Variants in SDCCAG8 observed in about 807,000 individuals in gnomAD.
SDCCAG8 encodes serologically defined colon cancer antigen 8.
A neutral mutation model predicts 101.8 loss-of-function variants in SDCCAG8; 74 were observed. That is an observed-to-expected ratio of 0.73 (90% CI 0.60 to 0.88). The LOEUF is 0.88. Among genes scored for constraint, SDCCAG8 ranks in the 40% least tolerant of loss-of-function variants. SDCCAG8 has a pLI of 0.00. For synonymous variants in SDCCAG8, 281 were observed against 292.9 expected (o/e 0.96, Z 0.41); for missense variants, 787 against 822.6 (o/e 0.96, Z 0.53).
intron 1 of SDCCAG8, among the ~76,000 whole-genome samples, chr1:243,266,952 A>AAG (rs1363714102): frequency 1.3e-5 from 2 of 150,148 alleles, no homozygotes; most frequent in East Asian, 4.0e-4. Context: ...TCAAAAAAAA[A>AAG]AAAAAAAAAA....
At chr1:243,353,934 A>T (rs2076244829) in intron 12 of SDCCAG8, among the ~76,000 whole-genome samples, 1 of 152,232 alleles carries the variant, frequency 6.6e-6, no homozygotes, top group African/African-American at 2.4e-5. Context: ...TTACAGTGTT[A>T]GAGTCATATA....
At position 243,289,740 on chromosome 1, in the gene SDCCAG8, C is replaced by T. The variant is rs557986038; in HGVS notation, c.546+3343C>T. Among the ~76,000 whole-genome samples, 6 of 152,262 alleles carry T rather than the reference C, an allele frequency of 3.9e-5. No individual in the cohort carries two copies. The East Asian group carries it at 1.2e-3, about 29-fold the overall frequency. ...AGGACTATCTAATTCTCTAAATACACCCCGTAGAACCTTAAATTATACCGC... is the reference window on the plus strand; with the variant it reads ...AGGACTATCTAATTCTCTAAATACATCCCGTAGAACCTTAAATTATACCGC... On this transcript the variant is annotated intron_variant, in intron 5 of 17. Transcript: ENST00000366541.
intron 5 of SDCCAG8, among the ~76,000 whole-genome samples, chr1:243,290,030 C>G (rs1038187852): frequency 1.3e-5 from 2 of 152,022 alleles, no homozygotes; most frequent in Admixed American, 6.6e-5. Context: ...AATATTTCCT[C>G]ATGGAAAGCT....
chr1:243,477,846 G>A (rs1662729784), intron 16 of SDCCAG8, among the ~76,000 whole-genome samples: 1 of 152,220 alleles, frequency 6.6e-6, no homozygotes, highest in South Asian at 2.1e-4. Flanking sequence ...CTGTGGATGA[G>A]ATCAATGTGG....
chr1:243,267,665 G>A, intron 1 of SDCCAG8: 1 of 764,458 alleles, frequency 1.3e-6, no homozygotes, highest in Non-Finnish European at 2.4e-6. Flanking sequence ...CACACACTTA[G>A]GCTGAGTTAC....
At chr1:243,275,083 G>T (rs2068426037) in intron 4 of SDCCAG8, among the ~76,000 whole-genome samples, 1 of 152,104 alleles carries the variant, frequency 6.6e-6, no homozygotes, top group Admixed American at 6.6e-5. Context: ...CAGTATTAAG[G>T]CTCTTACTTT....
intron 4 of SDCCAG8, among the ~76,000 whole-genome samples, chr1:243,278,315 G>A (rs1040660911): frequency 6.6e-6 from 1 of 152,062 alleles, no homozygotes; most frequent in African/African-American, 2.4e-5. Context: ...CCGCCTCCCG[G>A]GTTCAAACAA....
At chr1:243,288,103 A>C (rs10926981) in intron 5 of SDCCAG8, among the ~76,000 whole-genome samples, 70,916 of 151,952 alleles carry the variant, frequency 0.47, 18,043 homozygotes, top group East Asian at 0.75. Context: ...TATCTATTTT[A>C]ATGTTAATCT....
intron 16 of SDCCAG8, among the ~76,000 whole-genome samples, chr1:243,447,799 A>G (rs941988602): frequency 1.3e-5 from 2 of 152,234 alleles, no homozygotes; most frequent in Non-Finnish European, 2.9e-5. Flanking sequence ...TAATATAAAT[A>G]AAAATATTTG....
chr1:243,394,121 A>G (rs2078891975), intron 13 of SDCCAG8, among the ~76,000 whole-genome samples: 1 of 152,210 alleles, frequency 6.6e-6, no homozygotes, highest in Non-Finnish European at 1.5e-5. Context: ...CAGATCTCCT[A>G]CATCTGCTTT....
chr1:243,440,936 A>C (rs115151123), intron 16 of SDCCAG8, among the ~76,000 whole-genome samples: 1 of 152,286 alleles, frequency 6.6e-6, no homozygotes, highest in Non-Finnish European at 1.5e-5. Context: ...TTGATGATCT[A>C]TTCCTGGTGA....
intron 15 of SDCCAG8, among the ~76,000 whole-genome samples, chr1:243,421,346 G>A (rs2080986413): frequency 6.6e-6 from 1 of 152,194 alleles, no homozygotes; most frequent in African/African-American, 2.4e-5. Context: ...GGAAAGCTGA[G>A]AGCATGGGCT....
intron 16 of SDCCAG8, among the ~76,000 whole-genome samples, chr1:243,463,120 T>C (rs1659461165): frequency 6.6e-6 from 1 of 152,242 alleles, no homozygotes; most frequent in African/African-American, 2.4e-5. Context: ...AACAGCTGCA[T>C]GTATTGGACA....
intron 10 of SDCCAG8, among the ~76,000 whole-genome samples, chr1:243,339,730 G>A (rs2075275824): frequency 6.6e-6 from 1 of 152,094 alleles, no homozygotes; most frequent in African/African-American, 2.4e-5. Flanking sequence ...ATTGATGTCA[G>A]GTTCTTAATT....
chr1:243,489,167 G>T, intron 17 of SDCCAG8, 27 bp downstream of exon 17: 1 of 1,609,072 alleles, frequency 6.2e-7, no homozygotes, highest in East Asian at 2.2e-5. Flanking sequence ...GGCGCAGGTG[G>T]GAGTCCTTGG....
chr1:243,273,496 C>T (rs569641107), intron 3 of SDCCAG8, among the ~76,000 whole-genome samples: 1 of 152,280 alleles, frequency 6.6e-6, no homozygotes, highest in South Asian at 2.1e-4. Context: ...GAAATCTCTT[C>T]GTTGGACCCC....
chr1:243,478,439 C>G (rs755860404), intron 16 of SDCCAG8, among the ~76,000 whole-genome samples: 1 of 152,096 alleles, frequency 6.6e-6, no homozygotes, highest in Non-Finnish European at 1.5e-5. Context: ...AGGACTTGAT[C>G]CCCCCATCAC....
In SDCCAG8 at chr1:243,274,555, C is replaced by A; in HGVS notation, c.319C>A (p.His107Asn). 6.3e-7 allele frequency: 1 copy of A among 1,584,676 alleles called. No homozygotes were observed. The part of the protein sequence containing the change: ...RKMSPLRSLE[H>N]EETNMPTMHD... The stretch of plus-strand genomic sequence containing the variant: ...TTTTTTGTCATAGAGGTCATTAGAA[C>A]ATGAGGAAACCAATATGCCTACTAT... Residue 107 changes from histidine to asparagine, a missense_variant, in exon 4 of 18, where the codon CAT (histidine) becomes AAT (asparagine). Coordinates refer to ENST00000366541, the MANE Select transcript of SDCCAG8 (RefSeq NM_006642.5).
At chr1:243,426,678 T>C in intron 16 of SDCCAG8, 120 bp downstream of exon 16, 1 of 1,213,502 alleles carries the variant, frequency 8.2e-7, no homozygotes, top group Non-Finnish European at 1.2e-6. Flanking sequence ...TGTGACATGC[T>C]CAAAATCTAA....
Sources: gnomAD v4.1 joint callset for allele counts (sites outside exome capture counted in the v4.1 genomes callset) on GRCh38, gnomAD v4.1.1 for gene constraint, MANE v1.5 for transcripts, NCBI Gene and HGNC (gene_info 2026-07-23, HGNC 2026-07-21) for gene names.